The following SGCZ variants were observed in gnomAD, a reference collection of about 807,000 sequenced individuals.
SGCZ encodes the protein zeta-sarcoglycan.
SGCZ carries 40 observed loss-of-function variants against 41.3 expected under a neutral mutation model. That is an observed-to-expected ratio of 0.97 (90% CI 0.75 to 1.26). SGCZ has a LOEUF of 1.26. SGCZ is among the 50% of genes most tolerant of loss of function. The pLI, the probability that SGCZ is intolerant of heterozygous loss-of-function variation, is 0.00. For missense variants in SGCZ, 552 were observed against 369.8 expected (o/e 1.49, Z -4.04); for synonymous variants, 206 against 137.5 (o/e 1.50, Z -3.49).
chr8:14,157,418 C>A (rs1585186917), intron 5 of SGCZ, among the ~76,000 whole-genome samples: 1 of 146,512 alleles, frequency 6.8e-6, no homozygotes, highest in East Asian at 2.0e-4. Context: ...GAAGCATCTC[C>A]CAACTGGCTC....
chr8:14,201,631 G>T (rs1042952701), intron 4 of SGCZ, among the ~76,000 whole-genome samples: 2 of 152,130 alleles, frequency 1.3e-5, no homozygotes, highest in Non-Finnish European at 2.9e-5. Flanking sequence ...AGTGTCAGGG[G>T]AGTGGATGCT....
Position 14,424,777 on chromosome 8 carries a change from C to G in SGCZ, c.235-100573G>C, listed in dbSNP as rs545173314. Among the ~76,000 whole-genome samples the G allele has an allele frequency of 2.3e-3, 343 of 152,226 alleles. 1 individual carries two copies. Among genetic ancestry groups the G allele is most frequent in the Non-Finnish European group, 3.6e-3 (243 of 68,002 alleles). On this transcript the variant is annotated intron_variant, in intron 2 of 7. Transcript: ENST00000382080. ...TTCTAATACAATGAAAGACAATAAG[C>G]TTTTCAAATGTTTGCTAACTCTTCC...
At chr8:14,588,717 T>C (rs903385150) in intron 1 of SGCZ, among the ~76,000 whole-genome samples, 8 of 152,172 alleles carry the variant, frequency 5.3e-5, no homozygotes, top group Admixed American at 5.2e-4. Flanking sequence ...TTAACTGCCT[T>C]GTAAAATAAT....
At chr8:15,063,323 G>A (rs926599886) in intron 1 of SGCZ, among the ~76,000 whole-genome samples, 4 of 152,078 alleles carry the variant, frequency 2.6e-5, no homozygotes, top group African/African-American at 9.7e-5. Context: ...ATTGGTTAAT[G>A]ATTACTTATA....
At chr8:14,660,168 C>T (rs961523901) in intron 1 of SGCZ, among the ~76,000 whole-genome samples, 1 of 152,066 alleles carries the variant, frequency 6.6e-6, no homozygotes, top group Admixed American at 6.6e-5. Context: ...TACAATATTG[C>T]ATGTCCTTAT....
intron 1 of SGCZ, among the ~76,000 whole-genome samples, chr8:15,117,635 G>A (rs1807322907): frequency 1.3e-5 from 2 of 152,068 alleles, no homozygotes; most frequent in Non-Finnish European, 2.9e-5. Context: ...TGGTTGTGAG[G>A]ATCTTGGAAG....
chr8:14,480,428 C>A (rs1287928905), intron 2 of SGCZ, among the ~76,000 whole-genome samples: 4 of 152,148 alleles, frequency 2.6e-5, no homozygotes, highest in African/African-American at 9.7e-5. Context: ...TATCTCCCCA[C>A]AAAATTTGAA....
intron 1 of SGCZ, among the ~76,000 whole-genome samples, chr8:15,008,526 G>GGGAA (rs1188703309): frequency 2.9e-5 from 1 of 34,878 alleles, no homozygotes; most frequent in Non-Finnish European, 5.9e-5. Flanking sequence ...TATAAAGGGA[G>GGGAA]GGAAGGAAGG....
At chr8:14,603,587 T>A (rs1031055659) in intron 1 of SGCZ, among the ~76,000 whole-genome samples, 1 of 151,642 alleles carries the variant, frequency 6.6e-6, no homozygotes, top group East Asian at 1.9e-4. Flanking sequence ...GGTTTTAGGG[T>A]TTTTTTAAAA....
chr8:14,924,899 C>T (rs372450558), intron 1 of SGCZ, among the ~76,000 whole-genome samples: 1 of 149,748 alleles, frequency 6.7e-6, no homozygotes, highest in Non-Finnish European at 1.5e-5. Flanking sequence ...ACTGTGTCAC[C>T]CAGGCTGGAG....
chr8:14,790,441 C>A (rs1327743829), intron 1 of SGCZ, among the ~76,000 whole-genome samples: 1 of 152,066 alleles, frequency 6.6e-6, no homozygotes, highest in African/African-American at 2.4e-5. Flanking sequence ...TAAAATTTGG[C>A]AATATGTATC....
chr8:14,309,134 C>T lies in SGCZ; in HGVS notation c.336+14969G>A, dbSNP rs1341290404. On this transcript the variant is annotated intron_variant, in intron 3 of 7. Transcript: ENST00000382080. ...AGAACACTATATTAAACATCCCCTA[C>T]AGAACAGATGGGCACTCTGGTTTTT... 4.2e-5 allele frequency: 61 copies of T among 1,464,358 alleles called. 1 individual carries two copies. In the South Asian group the frequency reaches 6.4e-4, roughly 15 times the overall value. The allele number at this position is 1,464,358 out of a possible 1,614,324, so 90.7% of individuals were successfully genotyped here. A position where few individuals can be genotyped will look rare whatever the true frequency, so the allele number is the denominator to read the frequency against.
At chr8:14,149,548 C>T (rs1462632974) in intron 5 of SGCZ, among the ~76,000 whole-genome samples, 1 of 151,206 alleles carries the variant, frequency 6.6e-6, no homozygotes, top group Admixed American at 6.6e-5. Context: ...ATAAATAGTT[C>T]ATGTATATGG....
rs532181734 is a variant in SGCZ at position 14,980,325 on chromosome 8, C to A, written c.39+257260G>T. Among the ~76,000 whole-genome samples, 4 of 152,308 alleles carry A rather than the reference C, an allele frequency of 2.6e-5. No individual in the cohort carries two copies. In the South Asian group the frequency reaches 8.3e-4, roughly 32 times the overall value. On this transcript the variant is annotated intron_variant, in intron 1 of 7. Transcript: ENST00000382080. ...AGTAACAAGTAAGAAGGAATCTACTCATTAATCAGAGACCTGGGATACCCA... is the reference window on the plus strand; with the variant it reads ...AGTAACAAGTAAGAAGGAATCTACTAATTAATCAGAGACCTGGGATACCCA...
chr8:14,144,094 A>T (rs562476137), intron 5 of SGCZ, among the ~76,000 whole-genome samples: 9 of 152,264 alleles, frequency 5.9e-5, no homozygotes, highest in African/African-American at 2.2e-4. Flanking sequence ...CTAGTGTTAA[A>T]CTAGGTCCAG....
chr8:14,413,890 A>C (rs769509287), intron 2 of SGCZ, among the ~76,000 whole-genome samples: 5 of 151,992 alleles, frequency 3.3e-5, no homozygotes, highest in Non-Finnish European at 7.4e-5. Context: ...AGTCATCTAG[A>C]ACTCTGTAAG....
Position 15,090,934 on chromosome 8 carries a change from G to T in SGCZ, c.39+146651C>A, listed in dbSNP as rs908067447. Among the ~76,000 whole-genome samples, 4 of 152,192 alleles carry T rather than the reference G, an allele frequency of 2.6e-5. No homozygotes were observed. The East Asian group carries it at 7.7e-4, about 29-fold the overall frequency. On this transcript the variant is annotated intron_variant, in intron 1 of 7. Coordinates refer to ENST00000382080, the MANE Select transcript of SGCZ (RefSeq NM_139167.4). ...CATCTTTCTTTATTGAGGGTGACAA[G>T]TGACCTGGATTTTTCCTTGAACAAT...
intron 4 of SGCZ, among the ~76,000 whole-genome samples, chr8:14,221,753 T>C (rs2054427): frequency 0.71 from 107,540 of 152,030 alleles, 38,806 homozygotes; most frequent in African/African-American, 0.83. Flanking sequence ...CTGGCCAACA[T>C]GGTGAAACCT....
chr8:14,730,374 G>C (rs1585215251), intron 1 of SGCZ, among the ~76,000 whole-genome samples: 1 of 152,042 alleles, frequency 6.6e-6, no homozygotes, highest in Non-Finnish European at 1.5e-5. Flanking sequence ...GAGGAGACGG[G>C]ATATATAAGG....
Sources: allele counts gnomAD v4.1 joint callset (sites outside exome capture counted in the v4.1 genomes callset), GRCh38; gene constraint gnomAD v4.1.1; transcripts MANE v1.5; gene names NCBI Gene and HGNC (gene_info 2026-07-23, HGNC 2026-07-21).